The following POLH variants were observed in gnomAD, a reference collection of about 807,000 sequenced individuals.
POLH encodes DNA polymerase eta.
In POLH, 53 loss-of-function variants were observed where a neutral mutation model predicts 73.6. The ratio of observed to expected loss-of-function variants is 0.72; its 90% CI spans 0.58 to 0.91. The LOEUF is 0.91. Ranked by LOEUF, POLH falls within the 40% of genes least tolerant of loss-of-function variation. POLH has a pLI of 0.00. For synonymous variants in POLH, 292 were observed against 308.5 expected (o/e 0.95, Z 0.56); for missense variants, 768 against 865.4 (o/e 0.89, Z 1.41).
chr6:43,596,947 C>T (rs569854089), intron 4 of POLH, among the ~76,000 whole-genome samples: 212 of 152,066 alleles, frequency 1.4e-3, no homozygotes, highest in African/African-American at 5.0e-3. Context: ...AGCTGGAATC[C>T]ACCTCTAAAA....
At chr6:43,583,532 T>C (rs1282160293) in intron 3 of POLH, among the ~76,000 whole-genome samples, 2 of 152,174 alleles carry the variant, frequency 1.3e-5, no homozygotes, top group Non-Finnish European at 2.9e-5. Flanking sequence ...CAGGAATTAG[T>C]TGCTATAATT....
chr6:43,585,770 C>T (rs1331626942), intron 3 of POLH, among the ~76,000 whole-genome samples: 7 of 151,286 alleles, frequency 4.6e-5, no homozygotes, highest in Non-Finnish European at 7.4e-5. Flanking sequence ...CTCAGCCTCC[C>T]GAGTAGCTGG....
chr6:43,601,419 C>G (rs1766718989), intron 6 of POLH, among the ~76,000 whole-genome samples: 2 of 152,242 alleles, frequency 1.3e-5, no homozygotes, highest in African/African-American at 4.8e-5. Context: ...GCGCCCACCA[C>G]CACGCCTGGC....
intron 6 of POLH, among the ~76,000 whole-genome samples, chr6:43,602,893 C>T (rs1333857778): frequency 1.3e-5 from 2 of 152,002 alleles, no homozygotes; most frequent in Non-Finnish European, 2.9e-5. Context: ...GTCTCAAACT[C>T]CTGGCCTCCA....
At position 43,597,863 on chromosome 6, in the gene POLH, A is replaced by T; in HGVS notation, c.658A>T (p.Lys220Ter). ...FQCSAGISHN[K>*]VLAKLACGLN... Reference sequence around the variant, plus strand: ...GTGTTCAGCTGGAATTTCACACAATAAGGTGAAGGCTAATAGTAGATTTCA... The same window carrying T: ...GTGTTCAGCTGGAATTTCACACAATTAGGTGAAGGCTAATAGTAGATTTCA... The change falls in exon 5 of 11, where the codon AAG (lysine) becomes TAG (stop). Residue 220 changes from lysine (K) to a stop codon, truncating the protein, a stop_gained and splice_region_variant. Coordinates refer to ENST00000372236, the MANE Select transcript of POLH (RefSeq NM_006502.3). LOFTEE classifies it high-confidence loss of function. The T allele has an allele frequency of 6.2e-7, 1 of 1,608,810 alleles. No homozygotes were observed. The highest frequency in any genetic ancestry group is 8.5e-7 in the Non-Finnish European group (1 of 1,175,286).
Position 43,597,885 on chromosome 6 carries a change from T to A in POLH, c.660+20T>A. The A allele has an allele frequency of 6.3e-7, 1 of 1,591,120 alleles. No individual in the cohort carries two copies. The highest frequency in any genetic ancestry group is 1.1e-5 in the South Asian group (1 of 90,588). ...AATAAGGTGAAGGCTAATAGTAGATTTCAAAGAGAAACATTGATATCCTTA... is the reference window on the plus strand; with the variant it reads ...AATAAGGTGAAGGCTAATAGTAGATATCAAAGAGAAACATTGATATCCTTA... On this transcript the variant is annotated intron_variant, in intron 5 of 10. Transcript: ENST00000372236.
At chr6:43,579,063 ATGTATGTTAGTTTTT>A (rs1165183468) in intron 1 of POLH, among the ~76,000 whole-genome samples, 1 of 152,156 alleles carries the variant, frequency 6.6e-6, no homozygotes, top group Non-Finnish European at 1.5e-5. Context: ...ATTGTGATAT[ATGTATGTTAGTTTTT>A]GTCCACGGTT....
In POLH at chr6:43,583,691, T is replaced by C. The variant is rs9333511; in HGVS notation, c.272+550T>C. On this transcript the variant is annotated intron_variant, in intron 3 of 10. Transcript: ENST00000372236. ...CAGCCTTTAATCCTAACAGCTAATA[T>C]GTATTAAACATATTATCACATGCCA... Among the ~76,000 whole-genome samples the C allele has an allele frequency of 2.6e-4, 39 of 152,310 alleles. No individual in the cohort carries two copies. The South Asian group carries it at 5.8e-3, about 23-fold the overall frequency.
rs1768478980 is a variant in POLH at position 43,618,318 on chromosome 6, G to C, written c.*3761G>C. Among the ~76,000 whole-genome samples the C allele has an allele frequency of 6.6e-6, 1 of 152,008 alleles. No individual in the cohort carries two copies. Among genetic ancestry groups the C allele is most frequent in the Admixed American group, 6.6e-5 (1 of 15,262 alleles). On this transcript the variant is annotated 3_prime_UTR_variant, in exon 11 of 11. Transcript: ENST00000372236. ...CTACAAGCGTGCACCACCATGCCCA[G>C]CTAATTTTTGTATTTTTAGTAGAGA...
At chr6:43,581,282 C>T (rs1486328881) in intron 1 of POLH, among the ~76,000 whole-genome samples, 2 of 149,128 alleles carry the variant, frequency 1.3e-5, no homozygotes, top group South Asian at 2.1e-4. Flanking sequence ...GCGCTCCCCA[C>T]ATCTCAGACG....
intron 4 of POLH, among the ~76,000 whole-genome samples, chr6:43,588,907 G>A (rs1318440852): frequency 2.0e-5 from 3 of 149,382 alleles, no homozygotes; most frequent in South Asian, 2.1e-4. Context: ...GCGCTATCTC[G>A]GCTCACTGCA....
At chr6:43,587,246 G>T (rs760946693) in intron 3 of POLH, 26 bp from the exon 4 acceptor site, 1 of 1,568,272 alleles carries the variant, frequency 6.4e-7, no homozygotes, top group South Asian at 1.1e-5. Flanking sequence ...TTTATTGCCT[G>T]CATGAATGAT....
At chr6:43,580,895 A>ACC (rs1397630149) in intron 1 of POLH, among the ~76,000 whole-genome samples, 5 of 135,660 alleles carry the variant, frequency 3.7e-5, no homozygotes, top group Admixed American at 1.5e-4. Flanking sequence ...CGGAGGGCTG[A>ACC]CCCCCCCACC....
At chr6:43,578,353 C>T (rs944736646) in intron 1 of POLH, 1 of 414,308 alleles carries the variant, frequency 2.4e-6, no homozygotes, top group Admixed American at 2.9e-5. Context: ...TGCCATTGCA[C>T]TCCAGCCTGC....
At chr6:43,612,800 ATTTT>A (rs973070635) in intron 10 of POLH, among the ~76,000 whole-genome samples, 2 of 134,024 alleles carry the variant, frequency 1.5e-5, no homozygotes, top group Non-Finnish European at 1.6e-5. Flanking sequence ...AAAATTTCTG[ATTTT>A]TTTTTTTTTT....
intron 1 of POLH, among the ~76,000 whole-genome samples, chr6:43,580,771 C>T (rs1369131278): frequency 7.4e-6 from 1 of 135,336 alleles, no homozygotes; most frequent in African/African-American, 2.8e-5. Context: ...GGGGCCGACC[C>T]CCCCACCTCC....
chr6:43,613,516 G>C, intron 10 of POLH, 144 bp from the exon 11 acceptor site: 1 of 700,332 alleles, frequency 1.4e-6, no homozygotes, highest in South Asian at 1.8e-5. Context: ...AATAATTTCT[G>C]TGGCAGAACC....
intron 6 of POLH, among the ~76,000 whole-genome samples, chr6:43,602,440 T>C (rs1400740111): frequency 6.6e-6 from 1 of 152,192 alleles, no homozygotes; most frequent in East Asian, 1.9e-4. Context: ...TAAAAAGGCA[T>C]GGGATTTTGT....
chr6:43,605,190 C>G (rs1030355631), intron 8 of POLH, 64 bp from the exon 9 acceptor site: 1 of 910,084 alleles, frequency 1.1e-6, no homozygotes, highest in African/African-American at 1.6e-5. Context: ...ACAAATAACA[C>G]CATCTAGTTC....
Sources: allele counts gnomAD v4.1 joint callset (sites outside exome capture counted in the v4.1 genomes callset), GRCh38; gene constraint gnomAD v4.1.1; transcripts MANE v1.5; gene names NCBI Gene and HGNC (gene_info 2026-07-23, HGNC 2026-07-21).